The following COL19A1 variants were observed in gnomAD, a reference collection of about 807,000 sequenced individuals.
The protein encoded by COL19A1 is collagen type XIX alpha 1 chain.
Under a neutral mutation model 190.2 loss-of-function variants are expected in COL19A1, and 159 were observed. The ratio of observed to expected loss-of-function variants is 0.84; its 90% CI spans 0.73 to 0.95. The LOEUF (loss-of-function observed/expected upper bound fraction) is 0.95. Ranked by LOEUF, COL19A1 falls within the 40% of genes least tolerant of loss-of-function variation. The probability of loss-of-function intolerance (pLI) is 0.00; values close to 1 mark genes in which losing one functional copy is unlikely to be tolerated. For synonymous variants in COL19A1, 509 were observed against 458.9 expected (o/e 1.11, Z -1.39); for missense variants, 1,418 against 1,431.9 (o/e 0.99, Z 0.16).
At chr6:70,090,340 T>G (rs1782831997) in intron 15 of COL19A1, among the ~76,000 whole-genome samples, 1 of 152,198 alleles carries the variant, frequency 6.6e-6, no homozygotes, top group South Asian at 2.1e-4. Context: ...GACATTTTTT[T>G]GGTCATTATT....
At chr6:70,198,142 C>T (rs958477988) in intron 48 of COL19A1, among the ~76,000 whole-genome samples, 1 of 152,164 alleles carries the variant, frequency 6.6e-6, no homozygotes, top group African/African-American at 2.4e-5. Context: ...GACTGGAGAA[C>T]ATGGAAGTAA....
Position 69,984,856 on chromosome 6 carries a change from G to A in COL19A1, c.1026+21986G>A, listed in dbSNP as rs182146438. Among the ~76,000 whole-genome samples, 1,028 of 152,186 alleles carry A rather than the reference G, an allele frequency of 6.8e-3. 16 individuals carry two copies. Among genetic ancestry groups the A allele is most frequent in the African/African-American group, 0.023 (966 of 41,518 alleles). On this transcript the variant is annotated intron_variant, in intron 11 of 50. Transcript: ENST00000620364. ...ATCATTGAGTGTTTGAATGTTGCTC[G>A]GGAGTTATCTGAGATTAGCCAGCCT...
chr6:69,987,172 C>G (rs1462723944), intron 11 of COL19A1, among the ~76,000 whole-genome samples: 1 of 152,156 alleles, frequency 6.6e-6, no homozygotes, highest in Non-Finnish European at 1.5e-5. Flanking sequence ...GCAATGATAA[C>G]TGACTCTTAT....
intron 19 of COL19A1, among the ~76,000 whole-genome samples, chr6:70,140,360 T>C (rs1786167641): frequency 6.6e-6 from 1 of 152,142 alleles, no homozygotes; most frequent in African/African-American, 2.4e-5. Flanking sequence ...ATAATTTTTA[T>C]TGCTGTATTA....
Position 69,896,518 on chromosome 6 carries a change from T to C in COL19A1, c.92-2430T>C, listed in dbSNP as rs1203866357. On this transcript the variant is annotated intron_variant, in intron 2 of 50. Transcript: ENST00000620364. ...CGCCACTGCAGTCCGCAGTCCGGCC[T>C]GGGCGACAGAGCGAGACTCCGTCTC... Among the ~76,000 whole-genome samples the C allele has an allele frequency of 8.5e-5, 10 of 117,436 alleles. No homozygotes were observed. The East Asian group carries it at 2.7e-3, about 31-fold the overall frequency. 77.0% of individuals were successfully genotyped at this position (117,436 alleles called of 152,430 possible).
intron 15 of COL19A1, among the ~76,000 whole-genome samples, chr6:70,077,737 G>A (rs779708061): frequency 5.3e-5 from 8 of 152,152 alleles, no homozygotes; most frequent in Admixed American, 2.0e-4. Context: ...CTATGCAACC[G>A]TGAGAAAGAT....
Position 70,163,329 on chromosome 6 carries a change from T to G in COL19A1, c.2347-14T>G. ...TTGTTGTTTCTGTAACAAACTTAGT[T>G]TTGTGTTTTACAGGGCTTAATGGGA... On this transcript the variant is annotated splice_polypyrimidine_tract_variant and intron_variant, in intron 35 of 50. Coordinates refer to ENST00000620364, the MANE Select transcript of COL19A1 (RefSeq NM_001858.6). 1 of 1,610,950 alleles carries G rather than the reference T, an allele frequency of 6.2e-7. No individual in the cohort carries two copies. Among genetic ancestry groups the G allele is most frequent in the Non-Finnish European group, 8.5e-7 (1 of 1,178,328 alleles).
intron 14 of COL19A1, among the ~76,000 whole-genome samples, chr6:70,048,709 T>A (rs1336301156): frequency 6.6e-6 from 1 of 152,170 alleles, no homozygotes; most frequent in Non-Finnish European, 1.5e-5. Context: ...TTTGTTAAAA[T>A]CAGTTAATTG....
At chr6:69,881,979 A>C (rs189578964) in intron 2 of COL19A1, among the ~76,000 whole-genome samples, 1 of 152,328 alleles carries the variant, frequency 6.6e-6, no homozygotes, top group Non-Finnish European at 1.5e-5. Flanking sequence ...CCTCATGTGC[A>C]GACCTGCGCG....
intron 15 of COL19A1, among the ~76,000 whole-genome samples, chr6:70,096,306 C>T (rs1783271567): frequency 6.6e-6 from 1 of 151,340 alleles, no homozygotes; most frequent in Admixed American, 6.6e-5. Context: ...GGTGCCCAGG[C>T]TGGTCTCAAA....
chr6:69,960,089 A>G (rs749202005), intron 10 of COL19A1, 49 bp downstream of exon 10: 1 of 1,543,958 alleles, frequency 6.5e-7, no homozygotes, highest in South Asian at 1.2e-5. Flanking sequence ...TTAACGTGTT[A>G]AAAATAAATT....
intron 25 of COL19A1, among the ~76,000 whole-genome samples, chr6:70,145,722 C>CTTTTTTTTTTTTTTTT (rs56306364): frequency 1.0e-4 from 13 of 128,162 alleles, no homozygotes; most frequent in Admixed American, 1.7e-4. Flanking sequence ...CTTATTGTTT[C>CTTTTTTTTTTTTTTTT]TTTTTTTTTT....
intron 9 of COL19A1, among the ~76,000 whole-genome samples, chr6:69,956,266 G>A (rs1018127461): frequency 6.6e-5 from 10 of 151,896 alleles, no homozygotes; most frequent in Admixed American, 4.6e-4. Flanking sequence ...TAAGATTAAA[G>A]TTTCAAATTG....
chr6:69,915,564 A>G (rs1771236486), intron 4 of COL19A1, among the ~76,000 whole-genome samples: 5 of 152,186 alleles, frequency 3.3e-5, no homozygotes, highest in Admixed American at 3.3e-4. Flanking sequence ...TTAACTTTGT[A>G]GATAACAATG....
At chr6:70,195,828 G>C (rs1767162631) in intron 48 of COL19A1, among the ~76,000 whole-genome samples, 1 of 152,118 alleles carries the variant, frequency 6.6e-6, no homozygotes, top group Non-Finnish European at 1.5e-5. Context: ...TCTTGCATTT[G>C]TTAAGTAATG....
At chr6:69,954,171 T>A (rs1029116032) in intron 9 of COL19A1, among the ~76,000 whole-genome samples, 4 of 152,040 alleles carry the variant, frequency 2.6e-5, no homozygotes, top group African/African-American at 9.7e-5. Context: ...CATGCATTTT[T>A]TTCATGAATT....
chr6:70,010,169 T>C (rs984961514), intron 11 of COL19A1, among the ~76,000 whole-genome samples: 1 of 152,158 alleles, frequency 6.6e-6, no homozygotes, highest in Non-Finnish European at 1.5e-5. Flanking sequence ...AAATTACATA[T>C]ATGATAAAAT....
intron 40 of COL19A1, among the ~76,000 whole-genome samples, chr6:70,170,983 T>G (rs1479690343): frequency 2.6e-5 from 4 of 152,178 alleles, no homozygotes; most frequent in Non-Finnish European, 4.4e-5. Context: ...TGAACATTAA[T>G]TTATTAACAA....
intron 16 of COL19A1, among the ~76,000 whole-genome samples, chr6:70,105,358 A>G (rs1030490104): frequency 1.3e-5 from 2 of 151,958 alleles, no homozygotes; most frequent in Non-Finnish European, 2.9e-5. Context: ...GGGTTTTACC[A>G]TGTTGGCCAG....
Sources: allele counts gnomAD v4.1 joint callset (sites outside exome capture counted in the v4.1 genomes callset), GRCh38; gene constraint gnomAD v4.1.1; transcripts MANE v1.5; gene names NCBI Gene and HGNC (gene_info 2026-07-23, HGNC 2026-07-21).